COL25A1: variants seen among roughly 807,000 people sequenced by gnomAD.
COL25A1 encodes collagen type XXV alpha 1 chain, also known as collagen alpha-1(XXV) chain.
COL25A1 carries 103 observed loss-of-function variants against 128.4 expected under a neutral mutation model. That is an observed-to-expected ratio of 0.80 (90% CI 0.68 to 0.94). The LOEUF (loss-of-function observed/expected upper bound fraction) is 0.94, where lower values mean the gene tolerates loss of function less well. Among genes scored for constraint, COL25A1 ranks in the 40% least tolerant of loss-of-function variants. COL25A1 has a pLI of 0.00. For synonymous variants in COL25A1, 279 were observed against 277.2 expected (o/e 1.01, Z -0.06); for missense variants, 745 against 840.0 (o/e 0.89, Z 1.40).
At position 108,838,225 on chromosome 4, in the gene COL25A1, T is replaced by C. The variant is rs181292609; in HGVS notation, c.1656+3470A>G. The C allele has an allele frequency of 2.2e-5, 29 of 1,328,474 alleles. 1 individual carries two copies. The Admixed American group carries it at 5.3e-4, about 24-fold the overall frequency. 82.3% of individuals were successfully genotyped at this position (1,328,474 alleles called of 1,614,324 possible). A position where few individuals can be genotyped will look rare whatever the true frequency, so the allele number is the denominator to read the frequency against. On this transcript the variant is annotated intron_variant, in intron 31 of 37. Transcript: ENST00000399132. ...AATTTTGGTTGCTATTATGGGTGTTTAAACTGTGAGAGAAGAGAGCCAGTC... is the reference window on the plus strand; with the variant it reads ...AATTTTGGTTGCTATTATGGGTGTTCAAACTGTGAGAGAAGAGAGCCAGTC...
chr4:108,979,649 G>A (rs549542909), intron 6 of COL25A1, among the ~76,000 whole-genome samples: 1 of 152,216 alleles, frequency 6.6e-6, no homozygotes, highest in African/African-American at 2.4e-5. Context: ...TTCTATCCCA[G>A]GAAAGAATAG....
intron 3 of COL25A1, among the ~76,000 whole-genome samples, chr4:109,182,817 G>A (rs1212775249): frequency 1.3e-5 from 2 of 152,044 alleles, no homozygotes; most frequent in Non-Finnish European, 2.9e-5. Flanking sequence ...CCCAGCAGGT[G>A]TTAGGATAAA....
At chr4:109,152,589 A>G (rs1409067184) in intron 3 of COL25A1, among the ~76,000 whole-genome samples, 2 of 152,222 alleles carry the variant, frequency 1.3e-5, no homozygotes, top group African/African-American at 4.8e-5. Context: ...AGCATTATTC[A>G]CAAAAGCCAA....
chr4:109,236,186 T>C (rs1195441416), intron 3 of COL25A1, among the ~76,000 whole-genome samples: 1 of 152,080 alleles, frequency 6.6e-6, no homozygotes, highest in South Asian at 2.1e-4. Flanking sequence ...TGATTCACTT[T>C]ACAAAAGATT....
intron 3 of COL25A1, among the ~76,000 whole-genome samples, chr4:109,267,918 A>G (rs1781898338): frequency 6.6e-6 from 1 of 152,190 alleles, no homozygotes; most frequent in Admixed American, 6.5e-5. Flanking sequence ...GATCTAGTCT[A>G]TATTGTCTTT....
intron 3 of COL25A1, among the ~76,000 whole-genome samples, chr4:109,267,570 TTTC>T (rs1439554012): frequency 2.6e-5 from 4 of 152,304 alleles, no homozygotes; most frequent in Middle Eastern, 3.4e-3. Context: ...AACTCTTCAG[TTTC>T]TTCTTTAGTT....
rs1446852871 is a variant in COL25A1 at position 109,183,105 on chromosome 4, C to T, written c.367+117478G>A. Among the ~76,000 whole-genome samples the T allele has an allele frequency of 4.6e-5, 7 of 151,970 alleles. 1 individual carries two copies. The highest frequency in any genetic ancestry group is 2.6e-4 in the Admixed American group (4 of 15,238). On this transcript the variant is annotated intron_variant, in intron 3 of 37. Transcript: ENST00000399132. ...ACCCTTAGAACTATAATGTATTAGC[C>T]ATATATGACATTAACCTCAGTAATA...
intron 13 of COL25A1, among the ~76,000 whole-genome samples, chr4:108,914,652 C>CTTTTTTTT (rs386401119): frequency 4.1e-5 from 4 of 98,560 alleles, no homozygotes; most frequent in Non-Finnish European, 5.6e-5. Context: ...TTTGCTGAAA[C>CTTTTTTTT]TTTTTTTTTT....
At chr4:108,832,498 G>T in intron 31 of COL25A1, 65 bp from the exon 32 acceptor site, 1 of 1,118,024 alleles carries the variant, frequency 8.9e-7, no homozygotes, top group Non-Finnish European at 1.3e-6. Context: ...AATTTATCCT[G>T]GATTTTTCCT....
intron 8 of COL25A1, among the ~76,000 whole-genome samples, chr4:108,955,260 T>C (rs1344630190): frequency 1.3e-5 from 2 of 152,158 alleles, no homozygotes; most frequent in Admixed American, 1.3e-4. Context: ...TGAAGCTTCA[T>C]AACATTATAA....
chr4:108,998,293 A>G (rs1337863516), intron 6 of COL25A1, among the ~76,000 whole-genome samples: 11 of 152,204 alleles, frequency 7.2e-5, no homozygotes, highest in Admixed American at 7.2e-4. Context: ...TACAAAATCA[A>G]TGTGCAAAAA....
chr4:109,019,077 T>C (rs541483699), intron 5 of COL25A1, among the ~76,000 whole-genome samples: 1 of 152,170 alleles, frequency 6.6e-6, no homozygotes, highest in African/African-American at 2.4e-5. Context: ...TTTGAGTCAG[T>C]GGGCTGGGGA....
At chr4:109,153,745 A>T (rs374443160) in intron 3 of COL25A1, among the ~76,000 whole-genome samples, 12 of 152,248 alleles carry the variant, frequency 7.9e-5, no homozygotes, top group African/African-American at 2.4e-4. Flanking sequence ...TATATGCTCA[A>T]CATGGTTATG....
intron 3 of COL25A1, among the ~76,000 whole-genome samples, chr4:109,183,969 G>A (rs191259912): frequency 2.8e-4 from 42 of 150,938 alleles, no homozygotes; most frequent in African/African-American, 9.8e-4. Context: ...TCTTTCAAAG[G>A]TCCTTTCACA....
intron 3 of COL25A1, among the ~76,000 whole-genome samples, chr4:109,170,805 TC>T (rs1773515970): frequency 6.6e-6 from 1 of 152,130 alleles, no homozygotes; most frequent in African/African-American, 2.4e-5. Context: ...GAATATATTC[TC>T]CCTCAATCCC....
In COL25A1 at chr4:108,809,621, G is replaced by C. The variant is rs532467397; in HGVS notation, c.*4306C>G. The C allele has an allele frequency of 2.6e-5, 4 of 151,974 alleles. No homozygotes were observed. Among genetic ancestry groups the C allele is most frequent in the African/African-American group, 9.7e-5 (4 of 41,404 alleles). 9.4% of individuals were successfully genotyped at this position (151,974 alleles called of 1,614,324 possible). A position where few individuals can be genotyped will look rare whatever the true frequency, so the allele number is the denominator to read the frequency against. ...ATTTAAATATTTTGAAATGAAAAAA[G>C]TCATTAAAGTGTTTATTAGTACGGG... On this transcript the variant is annotated 3_prime_UTR_variant, in exon 38 of 38. Transcript: ENST00000399132.
chr4:108,945,700 T>C (rs1334234469), intron 8 of COL25A1, among the ~76,000 whole-genome samples: 2 of 152,114 alleles, frequency 1.3e-5, no homozygotes, highest in Non-Finnish European at 2.9e-5. Flanking sequence ...AGTCTGGCTC[T>C]TCACCCAGGC....
chr4:109,251,980 G>A (rs548728126), intron 3 of COL25A1, among the ~76,000 whole-genome samples: 81 of 152,382 alleles, frequency 5.3e-4, no homozygotes, highest in African/African-American at 1.9e-3. Context: ...AGCAGCTTCA[G>A]AATGTTGGGG....
intron 26 of COL25A1, among the ~76,000 whole-genome samples, chr4:108,851,902 A>G (rs761945698): frequency 2.6e-5 from 4 of 152,104 alleles, no homozygotes; most frequent in Non-Finnish European, 5.9e-5. Context: ...TCCTCCTTTA[A>G]TCAAACATTT....
Sources: allele counts gnomAD v4.1 joint callset (sites outside exome capture counted in the v4.1 genomes callset), GRCh38; gene constraint gnomAD v4.1.1; transcripts MANE v1.5; gene names NCBI Gene and HGNC (gene_info 2026-07-23, HGNC 2026-07-21).